The following CACNA1A variants were observed in gnomAD, a reference collection of about 807,000 sequenced individuals.
CACNA1A encodes the protein calcium voltage-gated channel subunit alpha1 A, also known as voltage-dependent P/Q-type calcium channel subunit alpha-1A.
CACNA1A carries 57 observed loss-of-function variants against 262.4 expected under a neutral mutation model. The ratio of observed to expected loss-of-function variants is 0.22; its 90% CI spans 0.18 to 0.27. CACNA1A has a LOEUF of 0.27. Among genes scored for constraint, CACNA1A ranks in the 10% least tolerant of loss-of-function variants. The pLI is 1.00. For synonymous variants in CACNA1A, 1,431 were observed against 1,419.3 expected (o/e 1.01, Z -0.18); for missense variants, 2,526 against 3,562.8 (o/e 0.71, Z 7.41).
chr19:13,429,774 C>T (rs34684360), intron 3 of CACNA1A, among the ~76,000 whole-genome samples: 50,921 of 151,126 alleles, frequency 0.34, 8,875 homozygotes, highest in African/African-American at 0.43. Context: ...CAATGGAATA[C>T]GATTCGGCCT....
intron 23 of CACNA1A, 106 bp from the exon 24 acceptor site, chr19:13,276,062 G>T: frequency 1.5e-6 from 1 of 683,938 alleles, no homozygotes; most frequent in Non-Finnish European, 2.6e-6. Context: ...AGCCAATGAG[G>T]CCACCTCATC....
chr19:13,475,237 G>A (rs184126628), intron 1 of CACNA1A, among the ~76,000 whole-genome samples: 67 of 152,184 alleles, frequency 4.4e-4, no homozygotes, highest in African/African-American at 1.6e-3. Context: ...CCTAGTCTAT[G>A]TCCTGCTGCA....
intron 3 of CACNA1A, among the ~76,000 whole-genome samples, chr19:13,376,803 AATAT>A (rs962665533): frequency 5.3e-5 from 7 of 132,854 alleles, no homozygotes; most frequent in African/African-American, 2.0e-4. Flanking sequence ...ATATACACAT[AATAT>A]ATGTTATGTG....
At chr19:13,454,136 AG>A (rs1329541512) in intron 2 of CACNA1A, among the ~76,000 whole-genome samples, 1 of 151,616 alleles carries the variant, frequency 6.6e-6, no homozygotes, top group Non-Finnish European at 1.5e-5. Flanking sequence ...GCATGATTAG[AG>A]GTTTGGATTT....
chr19:13,308,697 G>T lies in CACNA1A; in HGVS notation c.1669-169C>A. 1 of 547,860 alleles carries T rather than the reference G, an allele frequency of 1.8e-6. No individual in the cohort carries two copies. The highest frequency in any genetic ancestry group is 4.9e-4 in the Middle Eastern group (1 of 2,056). The allele number at this position is 547,860 out of a possible 1,614,324, so 33.9% of individuals were successfully genotyped here. A position where few individuals can be genotyped will look rare whatever the true frequency, so the allele number is the denominator to read the frequency against. ...ATTCATCCATTCATTTATCTATAGA[G>T]ACCGGGTCTCACTGTGTCACCCAGG... On this transcript the variant is annotated intron_variant, in intron 12 of 46. Transcript: ENST00000360228. This position sits in a 1 kb window ranked among gnomAD's most constrained non-coding sequence, Gnocchi z 4.2.
intron 15 of CACNA1A, chr19:13,307,137 T>C (rs2144998765): frequency 6.6e-6 from 1 of 152,074 alleles, no homozygotes; most frequent in East Asian, 1.9e-4. Flanking sequence ...ATTATTATTA[T>C]TTTTTTGCAG....
intron 30 of CACNA1A, among the ~76,000 whole-genome samples, chr19:13,247,819 A>G (rs1016741892): frequency 1.3e-5 from 2 of 152,190 alleles, no homozygotes; most frequent in South Asian, 4.1e-4. Context: ...GCTCAACTAC[A>G]CACCTGAGGT....
At chr19:13,390,657 A>AT (rs931203393) in intron 3 of CACNA1A, among the ~76,000 whole-genome samples, 66 of 150,200 alleles carry the variant, frequency 4.4e-4, no homozygotes, top group South Asian at 8.5e-4. Context: ...CCCCTGATCA[A>AT]TTTTTTTTTT....
intron 14 of CACNA1A, 72 bp from the exon 15 acceptor site, chr19:13,307,926 T>C: frequency 6.9e-7 from 1 of 1,457,676 alleles, no homozygotes; most frequent in South Asian, 1.2e-5. Context: ...CAGTATCTCA[T>C]CTCCAAGGAA....
chr19:13,328,605 T>C (rs1362701132), intron 10 of CACNA1A, among the ~76,000 whole-genome samples: 1 of 152,128 alleles, frequency 6.6e-6, no homozygotes, highest in Non-Finnish European at 1.5e-5. Flanking sequence ...ATCCTATAAT[T>C]ATCCCCAAGG....
intron 37 of CACNA1A, chr19:13,227,154 T>TCCCCTC (rs2055483254): frequency 4.4e-6 from 1 of 225,798 alleles, no homozygotes; most frequent in Non-Finnish European, 8.6e-6. Flanking sequence ...ACCTGGGCGC[T>TCCCCTC]CCCCTCCCCC....
intron 4 of CACNA1A, among the ~76,000 whole-genome samples, chr19:13,366,498 T>C (rs2059214600): frequency 6.6e-6 from 1 of 152,106 alleles, no homozygotes; most frequent in South Asian, 2.1e-4. Context: ...GGTCTCACTA[T>C]GTTATCCAGG....
At chr19:13,336,594 GGAGAGAGAGAGAGAGAGAGA>G (rs547329827) in intron 6 of CACNA1A, among the ~76,000 whole-genome samples, 1 of 65,494 alleles carries the variant, frequency 1.5e-5, no homozygotes, top group Admixed American at 1.9e-4. Flanking sequence ...AGAGAGAGAG[GGAGAGAGAGAGAGAGAGAGA>G]GAGAGAGAGA....
At chr19:13,255,487 A>T (rs1460049473) in intron 28 of CACNA1A, among the ~76,000 whole-genome samples, 3 of 152,066 alleles carry the variant, frequency 2.0e-5, no homozygotes, top group South Asian at 2.1e-4. Flanking sequence ...ACTTGCACTG[A>T]CATTTCCCCA....
In CACNA1A at chr19:13,236,562, CCT is replaced by C. The variant is rs2055885499; in HGVS notation, c.4951-834_4951-833del. On this transcript the variant is annotated intron_variant, in intron 31 of 46. Transcript: ENST00000360228. The surrounding 1 kb of genome is among the most constrained non-coding windows in gnomAD (Gnocchi z 4.6). The stretch of plus-strand genomic sequence containing the variant: ...AGATGCATTTGGGGCCCTTTTCCCC[CCT>C]CTCAGGGATGGCTTCTCAGCTTCTG... 1.3e-5 allele frequency: 2 copies of C among 153,244 alleles called. No individual in the cohort carries two copies. The highest frequency in any genetic ancestry group is 4.8e-5 in the African/African-American group (2 of 41,582). The allele number at this position is 153,244 out of a possible 1,614,324, so 9.5% of individuals were successfully genotyped here. A position where few individuals can be genotyped will look rare whatever the true frequency, so the allele number is the denominator to read the frequency against.
At chr19:13,360,024 G>GTTTTTTTTTTTTTT (rs200920495) in intron 5 of CACNA1A, among the ~76,000 whole-genome samples, 1 of 140,492 alleles carries the variant, frequency 7.1e-6, no homozygotes, top group Non-Finnish European at 1.6e-5. Flanking sequence ...TTTTCCATGA[G>GTTTTTTTTTTTTTT]TTTTTTTTTT....
intron 3 of CACNA1A, among the ~76,000 whole-genome samples, chr19:13,381,549 A>C (rs2059523712): frequency 1.3e-5 from 2 of 152,202 alleles, no homozygotes; most frequent in Admixed American, 1.3e-4. Flanking sequence ...TAGACATTTG[A>C]ATAAAGACTG....
In CACNA1A at chr19:13,286,951, G is replaced by A. The variant is rs768168157; in HGVS notation, c.3105C>T (p.Ser1035=). 2.3e-5 allele frequency: 37 copies of A among 1,602,210 alleles called. No homozygotes were observed. Among genetic ancestry groups the A allele is most frequent in the South Asian group, 1.1e-4 (10 of 90,324 alleles). The change falls in exon 20 of 47, where the codon TCC becomes TCT. Residue 1035 remains serine (S), a synonymous_variant. Coordinates refer to ENST00000360228, the MANE Select transcript of CACNA1A (RefSeq NM_001127222.2). The part of the protein sequence containing the change: ...RHRRRKENQG[S]GVPVSGPNLS... Reference sequence around the variant, plus strand: ...GGTTGGGGCCCGACACAGGGACCCCGGAGCCCTGGTTCTCTCTGAGGAAGG... The same window carrying A: ...GGTTGGGGCCCGACACAGGGACCCCAGAGCCCTGGTTCTCTCTGAGGAAGG...
chr19:13,466,688 A>C (rs1164394201), intron 1 of CACNA1A, among the ~76,000 whole-genome samples: 1 of 147,844 alleles, frequency 6.8e-6, no homozygotes, highest in East Asian at 2.1e-4. Flanking sequence ...TACTTTCTTC[A>C]ATAATAATAA....
Sources: gnomAD v4.1 joint callset for allele counts (sites outside exome capture counted in the v4.1 genomes callset) on GRCh38, gnomAD v4.1.1 for gene constraint, Gnocchi (gnomAD v3.1) non-coding constraint, MANE v1.5 for transcripts, NCBI Gene and HGNC (gene_info 2026-07-23, HGNC 2026-07-21) for gene names.